FOXP2: variants seen among roughly 807,000 people sequenced by gnomAD.
FOXP2 encodes the protein forkhead box P2.
A neutral mutation model predicts 115.8 loss-of-function variants in FOXP2; 12 were observed. The ratio of observed to expected loss-of-function variants is 0.10; its 90% CI spans 0.07 to 0.17. The LOEUF (loss-of-function observed/expected upper bound fraction) is 0.17, where lower values mean the gene tolerates loss of function less well. Ranked by LOEUF, FOXP2 falls within the 10% of genes least tolerant of loss-of-function variation. The pLI is 1.00. For synonymous variants in FOXP2, 328 were observed against 297.7 expected (o/e 1.10, Z -1.05); for missense variants, 629 against 843.5 (o/e 0.75, Z 3.15).
At chr7:114,429,421 C>T (rs1794009210) in intron 2 of FOXP2, among the ~76,000 whole-genome samples, 1 of 151,426 alleles carries the variant, frequency 6.6e-6, no homozygotes, top group Admixed American at 6.6e-5. Context: ...TTTCTCTCTC[C>T]TTCATTCCTT....
intron 3 of FOXP2, among the ~76,000 whole-genome samples, chr7:114,616,315 A>C (rs1045649727): frequency 2.6e-5 from 4 of 152,028 alleles, no homozygotes; most frequent in Admixed American, 1.3e-4. Context: ...GGCGTGTGCC[A>C]CCACACCTGG....
chr7:114,567,182 T>C (rs967959376), intron 3 of FOXP2, among the ~76,000 whole-genome samples: 2 of 152,124 alleles, frequency 1.3e-5, no homozygotes, highest in African/African-American at 4.8e-5. Context: ...TAATTCTTTT[T>C]ATCTGAAAAT....
intron 1 of FOXP2, among the ~76,000 whole-genome samples, chr7:114,173,793 C>G (rs1793213124): frequency 6.6e-6 from 1 of 151,516 alleles, no homozygotes; most frequent in Non-Finnish European, 1.5e-5. Flanking sequence ...TTTTAAAAAC[C>G]AGCTATGTTT....
intron 1 of FOXP2, among the ~76,000 whole-genome samples, chr7:114,181,318 T>C (rs1793449109): frequency 6.6e-6 from 1 of 151,178 alleles, no homozygotes; most frequent in Admixed American, 6.6e-5. Flanking sequence ...AAGTATAACA[T>C]GCATATAAGC....
At chr7:114,399,339 C>A (rs572330376) in intron 2 of FOXP2, among the ~76,000 whole-genome samples, 56 of 152,184 alleles carry the variant, frequency 3.7e-4, no homozygotes, top group Non-Finnish European at 6.0e-4. Context: ...AACTCCTGAC[C>A]TCAGGTGATC....
chr7:114,132,790 C>T (rs1791927348), intron 1 of FOXP2, among the ~76,000 whole-genome samples: 1 of 151,918 alleles, frequency 6.6e-6, no homozygotes, highest in African/African-American at 2.4e-5. Flanking sequence ...GCAAGCAGGC[C>T]AGTACAGCTG....
chr7:114,580,906 G>T (rs7801868), intron 3 of FOXP2, among the ~76,000 whole-genome samples: 1 of 151,994 alleles, frequency 6.6e-6, no homozygotes, highest in South Asian at 2.1e-4. Context: ...GGAGACTAGA[G>T]TCCCATAATT....
chr7:114,417,336 G>T (rs1793392644), intron 1 of FOXP2, among the ~76,000 whole-genome samples: 1 of 151,762 alleles, frequency 6.6e-6, no homozygotes, highest in Non-Finnish European at 1.5e-5. Flanking sequence ...TTTGCCTTTT[G>T]TTTCCTCTAA....
At chr7:114,463,411 T>G (rs527935993) in intron 2 of FOXP2, among the ~76,000 whole-genome samples, 1 of 152,370 alleles carries the variant, frequency 6.6e-6, no homozygotes, top group East Asian at 1.9e-4. Context: ...ACTGAGCCCA[T>G]GAAAGTGGCC....
chr7:114,658,249 A>G lies in FOXP2; in HGVS notation c.1450A>G (p.Asn484Asp). 1 of 1,613,772 alleles carries G rather than the reference A, an allele frequency of 6.2e-7. No individual in the cohort carries two copies. The highest frequency in any genetic ancestry group is 8.5e-7 in the Non-Finnish European group (1 of 1,179,824). The change falls in exon 11 of 17, where the codon AAC becomes GAC. Residue 484 changes from asparagine to aspartate, a missense_variant. Asn to Asp is a conservative substitution (Grantham distance 23). Around this residue, in one of 9 missense-constraint regions of FOXP2, gnomAD observed 101 missense variants for 116.0 expected, o/e 0.87. Transcript: ENST00000350908. Reference protein sequence around the residue: ...AIRRRHSDKYNIPMSSEIAPN... With the variant: ...AIRRRHSDKYDIPMSSEIAPN... ...ACGAAGGCGACATTCAGACAAATAC[A>G]ACATTCCCATGTCATCAGGTAGGAT...
At chr7:114,116,860 A>G (rs1166259108) in intron 1 of FOXP2, among the ~76,000 whole-genome samples, 3 of 152,060 alleles carry the variant, frequency 2.0e-5, no homozygotes, top group Non-Finnish European at 4.4e-5. Flanking sequence ...TTCAAAGGGT[A>G]CTTATGCCTT....
chr7:114,319,373 C>A (rs950989485), intron 2 of FOXP2, among the ~76,000 whole-genome samples: 1 of 152,204 alleles, frequency 6.6e-6, no homozygotes, highest in Non-Finnish European at 1.5e-5. Context: ...AAAAACAAGA[C>A]TCTCTTTGTA....
At chr7:114,652,103 A>G in intron 8 of FOXP2, 100 bp from the exon 9 acceptor site, 1 of 1,070,948 alleles carries the variant, frequency 9.3e-7, no homozygotes. Context: ...TTCCCAGTGC[A>G]CAGAAACATC....
At chr7:114,250,130 A>AT (rs1562836055) in intron 1 of FOXP2, among the ~76,000 whole-genome samples, 1 of 151,624 alleles carries the variant, frequency 6.6e-6, no homozygotes, top group African/African-American at 2.4e-5. Context: ...ACATGAACTC[A>AT]TTTTTTATGG....
chr7:114,637,692 T>G (rs1255634100), intron 6 of FOXP2, among the ~76,000 whole-genome samples: 1 of 152,006 alleles, frequency 6.6e-6, no homozygotes, highest in Non-Finnish European at 1.5e-5. Context: ...TATATAGTGG[T>G]GAGCGCTAAG....
At chr7:114,532,970 G>A (rs998157913) in intron 2 of FOXP2, among the ~76,000 whole-genome samples, 3 of 151,902 alleles carry the variant, frequency 2.0e-5, no homozygotes, top group Non-Finnish European at 4.4e-5. Flanking sequence ...TTCAAATAGT[G>A]AGCCTTGTGA....
chr7:114,197,315 T>G (rs1212835741), intron 1 of FOXP2, among the ~76,000 whole-genome samples: 1 of 152,206 alleles, frequency 6.6e-6, no homozygotes, highest in Non-Finnish European at 1.5e-5. Flanking sequence ...ACAACAAAAA[T>G]TTATTTTCTC....
intron 11 of FOXP2, 109 bp from the exon 12 acceptor site, chr7:114,659,247 G>C (rs896743964): frequency 1.3e-6 from 1 of 794,022 alleles, no homozygotes. Flanking sequence ...TTCACTAGTC[G>C]GTGGCTTCCT....
intron 1 of FOXP2, among the ~76,000 whole-genome samples, chr7:114,134,538 C>G (rs1791977898): frequency 6.6e-6 from 1 of 151,578 alleles, no homozygotes; most frequent in Admixed American, 6.6e-5. Flanking sequence ...ACGGTGAAAC[C>G]CCGTCTCTAC....
Sources: gnomAD v4.1 joint callset for allele counts (sites outside exome capture counted in the v4.1 genomes callset) on GRCh38, gnomAD v4.1.1 for gene constraint, gnomAD v4.1.1 regional missense constraint, MANE v1.5 for transcripts, NCBI Gene and HGNC (gene_info 2026-07-23, HGNC 2026-07-21) for gene names.